The following TMEM255B variants were observed in gnomAD, a reference collection of about 807,000 sequenced individuals.
TMEM255B encodes family with sequence similarity 70, member B.
TMEM255B carries 35 observed loss-of-function variants against 34.5 expected under a neutral mutation model. The observed-to-expected ratio is 1.01, with a 90% CI of 0.77 to 1.34. The LOEUF is 1.34. TMEM255B is among the 40% of genes most tolerant of loss of function. The pLI, the probability that TMEM255B is intolerant of heterozygous loss-of-function variation, is 0.00. For synonymous variants in TMEM255B, 206 were observed against 201.2 expected, an observed-to-expected ratio of 1.02 and a Z score of -0.20; for missense variants, 432 against 433.2, an observed-to-expected ratio of 1.00 and a Z score of 0.02.
At chr13:113,786,358 A>C (rs2050740938) in intron 3 of TMEM255B, among the ~76,000 whole-genome samples, 1 of 143,368 alleles carries the variant, frequency 7.0e-6, no homozygotes, top group African/African-American at 2.6e-5. Context: ...TCGTCACTGT[A>C]ATTACCGTCT....
At chr13:113,810,950 CTG>C (rs2051285854) in intron 8 of TMEM255B, among the ~76,000 whole-genome samples, 1 of 152,126 alleles carries the variant, frequency 6.6e-6, no homozygotes, top group African/African-American at 2.4e-5. Context: ...TGGACCCTAA[CTG>C]TTGGTTTTGG....
intron 3 of TMEM255B, 75 bp from the exon 4 acceptor site, chr13:113,795,073 G>A (rs551795872): frequency 2.9e-6 from 4 of 1,385,186 alleles, no homozygotes; most frequent in South Asian, 2.4e-5. Flanking sequence ...CCTCGAGCTG[G>A]GACTTTGAAT....
chr13:113,802,541 G>A (rs1322660863), intron 7 of TMEM255B, among the ~76,000 whole-genome samples: 1 of 152,194 alleles, frequency 6.6e-6, no homozygotes, highest in Non-Finnish European at 1.5e-5. Flanking sequence ...ACCCACATGA[G>A]GAGGCCTGGC....
chr13:113,809,827 G>A (rs2051266568), intron 8 of TMEM255B, among the ~76,000 whole-genome samples: 2 of 152,120 alleles, frequency 1.3e-5, no homozygotes, highest in Admixed American at 6.5e-5. Flanking sequence ...AGAAGAGTGG[G>A]TGCTACAGAG....
intron 3 of TMEM255B, among the ~76,000 whole-genome samples, chr13:113,791,712 G>C (rs1054182028): frequency 2.0e-4 from 31 of 152,372 alleles, no homozygotes; most frequent in African/African-American, 7.2e-4. Context: ...TGGGTCGAGC[G>C]AAAGAACTTT....
intron 3 of TMEM255B, among the ~76,000 whole-genome samples, chr13:113,787,348 A>G (rs1484162835): frequency 6.6e-6 from 1 of 152,250 alleles, no homozygotes; most frequent in African/African-American, 2.4e-5. Context: ...GTTGGAAAAC[A>G]GTTTTTAAAC....
At chr13:113,782,139 G>A (rs1480594285) in intron 3 of TMEM255B, among the ~76,000 whole-genome samples, 1 of 152,104 alleles carries the variant, frequency 6.6e-6, no homozygotes, top group Non-Finnish European at 1.5e-5. Context: ...TTTAGCAACA[G>A]TCTTTACAAC....
intron 8 of TMEM255B, among the ~76,000 whole-genome samples, chr13:113,810,343 G>C (rs2051275087): frequency 6.6e-6 from 1 of 152,092 alleles, no homozygotes; most frequent in East Asian, 1.9e-4. Flanking sequence ...TAGAATTTAA[G>C]GGGAAAAAAA....
At chr13:113,808,734 C>T (rs2051233417) in intron 8 of TMEM255B, among the ~76,000 whole-genome samples, 2 of 128,218 alleles carry the variant, frequency 1.6e-5, no homozygotes, top group Non-Finnish European at 3.1e-5. Context: ...TGGGGGTTTA[C>T]TCCGTGGTTC....
intron 1 of TMEM255B, among the ~76,000 whole-genome samples, chr13:113,759,538 GTC>G (rs1010114203): frequency 2.7e-5 from 4 of 145,926 alleles, no homozygotes; most frequent in Middle Eastern, 3.6e-3. Flanking sequence ...CTCTCTCCCT[GTC>G]TCTCTCTCTG....
Position 113,806,922 on chromosome 13 carries a change from A to T in TMEM255B, c.813+1894A>T, listed in dbSNP as rs1566333726. Among the ~76,000 whole-genome samples the T allele has an allele frequency of 6.6e-6, 1 of 152,088 alleles. No homozygotes were observed. Among genetic ancestry groups the T allele is most frequent in the Non-Finnish European group, 1.5e-5 (1 of 67,984 alleles). On this transcript the variant is annotated intron_variant, in intron 8 of 8. Coordinates refer to ENST00000375353, the MANE Select transcript of TMEM255B (RefSeq NM_182614.4). This position sits in a 1 kb window ranked among gnomAD's most constrained non-coding sequence, Gnocchi z 4.2. ...TACACAGACACAGACTTGGAATCGC[A>T]TGGGTGCCAAGAACGTGCAGCCCAG... is the stretch of plus-strand genomic sequence containing the variant.
intron 8 of TMEM255B, among the ~76,000 whole-genome samples, chr13:113,811,525 C>T (rs1308475475): frequency 7.1e-6 from 1 of 140,310 alleles, no homozygotes; most frequent in Non-Finnish European, 1.5e-5. Context: ...GCGGGGGGCC[C>T]TGTGTGAGTG....
chr13:113,768,733 C>T lies in TMEM255B; in HGVS notation c.190-365C>T, dbSNP rs2050431595. ...TAATACCTTACCCAGGAGCCATGCT[C>T]AGGGGCATCTCAGGCCTGGAGAAGA... is the stretch of plus-strand genomic sequence containing the variant. On this transcript the variant is annotated intron_variant, in intron 2 of 8. Transcript: ENST00000375353. Among the ~76,000 whole-genome samples the T allele has an allele frequency of 2.0e-5, 3 of 152,312 alleles. No homozygotes were observed. The South Asian group carries it at 6.2e-4, about 32-fold the overall frequency.
chr13:113,762,103 A>AG (rs893527485), intron 1 of TMEM255B, among the ~76,000 whole-genome samples: 3 of 36,464 alleles, frequency 8.2e-5, no homozygotes, highest in Non-Finnish European at 1.2e-4. Context: ...TTTCCGGGAC[A>AG]GGAAAAAAAA....
intron 4 of TMEM255B, among the ~76,000 whole-genome samples, chr13:113,795,955 T>TACACAACAGAGCACACAGCACAC (rs2050921728): frequency 3.4e-5 from 1 of 29,246 alleles, no homozygotes; most frequent in Non-Finnish European, 6.9e-5. Flanking sequence ...ACACAGCACA[T>TACACAACAGAGCACACAGCACAC]ACACAACAGA....
intron 1 of TMEM255B, among the ~76,000 whole-genome samples, chr13:113,765,436 C>A (rs2050373033): frequency 6.6e-6 from 1 of 152,240 alleles, no homozygotes; most frequent in Non-Finnish European, 1.5e-5. Context: ...GTCATCGCTG[C>A]CAGCGGCTCT....
chr13:113,782,672 C>G (rs1365578142), intron 3 of TMEM255B, among the ~76,000 whole-genome samples: 61 of 138,056 alleles, frequency 4.4e-4, no homozygotes, highest in East Asian at 3.9e-3. Context: ...CTGTGATGGT[C>G]GGAGGGGGGG....
chr13:113,774,503 GACAC>G (rs201010977), intron 3 of TMEM255B, among the ~76,000 whole-genome samples: 19 of 151,792 alleles, frequency 1.3e-4, no homozygotes, highest in African/African-American at 4.1e-4. Flanking sequence ...CACATGCACA[GACAC>G]ACACGACACA....
intron 3 of TMEM255B, among the ~76,000 whole-genome samples, chr13:113,784,478 C>G (rs763711604): frequency 2.6e-5 from 4 of 151,602 alleles, no homozygotes; most frequent in Non-Finnish European, 4.4e-5. Flanking sequence ...TGGCAAAGCG[C>G]CTCCCAGACT....
Sources: allele counts gnomAD v4.1 joint callset (sites outside exome capture counted in the v4.1 genomes callset), GRCh38; gene constraint gnomAD v4.1.1; non-coding constraint Gnocchi (gnomAD v3.1); transcripts MANE v1.5; gene names NCBI Gene and HGNC (gene_info 2026-07-23, HGNC 2026-07-21).